BCAR3: variants seen among roughly 807,000 people sequenced by gnomAD.
BCAR3 encodes BCAR3 adaptor protein, NSP family member, also known as breast cancer anti-estrogen resistance protein 3.
BCAR3 carries 37 observed loss-of-function variants against 80.1 expected under a neutral mutation model. The observed-to-expected ratio is 0.46, with a 90% CI of 0.36 to 0.61. The LOEUF (loss-of-function observed/expected upper bound fraction) is 0.61, where lower values mean the gene tolerates loss of function less well. Ranked by LOEUF, BCAR3 falls within the 20% of genes least tolerant of loss-of-function variation. The probability of loss-of-function intolerance (pLI) is 0.00; values close to 1 mark genes in which losing one functional copy is unlikely to be tolerated. For missense variants in BCAR3, 978 were observed against 1,068.2 expected (o/e 0.92, Z 1.18); for synonymous variants, 389 against 418.9 (o/e 0.93, Z 0.87).
intron 3 of BCAR3, among the ~76,000 whole-genome samples, chr1:93,700,800 A>G (rs1649613814): frequency 6.6e-6 from 1 of 152,258 alleles, no homozygotes; most frequent in Non-Finnish European, 1.5e-5. Flanking sequence ...TTCCACAGGA[A>G]GAAACATTTC....
intron 3 of BCAR3, among the ~76,000 whole-genome samples, chr1:93,639,214 T>C (rs1399860637): frequency 3.3e-5 from 5 of 152,150 alleles, no homozygotes; most frequent in Non-Finnish European, 1.5e-5. Context: ...ATGAATGTAC[T>C]GCAACACAAA....
At chr1:93,567,707 G>A in intron 10 of BCAR3, 33 bp downstream of exon 10, 1 of 1,581,786 alleles carries the variant, frequency 6.3e-7, no homozygotes, top group Non-Finnish European at 8.7e-7. Flanking sequence ...CCCCAGCGGG[G>A]TAGCCCCATG....
chr1:93,790,628 G>GAATTCATTCTTTTTTTTTTTTTTTTT (rs1653112324), intron 2 of BCAR3, among the ~76,000 whole-genome samples: 2 of 79,220 alleles, frequency 2.5e-5, no homozygotes, highest in African/African-American at 1.4e-4. Flanking sequence ...TTTTTTTTTT[G>GAATTCATTCTTTTTTTTTTTTTTTTT]TATTCATTTT....
chr1:93,770,365 C>T (rs554643648), intron 2 of BCAR3, among the ~76,000 whole-genome samples: 1 of 152,074 alleles, frequency 6.6e-6, no homozygotes, highest in Non-Finnish European at 1.5e-5. Flanking sequence ...CTGCTCTGAT[C>T]CTGGCCTCAG....
intron 3 of BCAR3, among the ~76,000 whole-genome samples, chr1:93,692,353 G>A (rs1005101254): frequency 1.3e-5 from 2 of 152,220 alleles, no homozygotes; most frequent in Non-Finnish European, 2.9e-5. Flanking sequence ...GCTGTCGACA[G>A]TACTGAGGTT....
At chr1:93,840,268 G>C (rs924049493) in intron 2 of BCAR3, among the ~76,000 whole-genome samples, 2 of 152,118 alleles carry the variant, frequency 1.3e-5, no homozygotes, top group African/African-American at 4.8e-5. Flanking sequence ...TGAACTTGGG[G>C]ACAGGTGCCT....
At chr1:93,594,226 C>CA in intron 3 of BCAR3, 1 of 152,200 alleles carries the variant, frequency 6.6e-6, no homozygotes, top group East Asian at 1.9e-4. Context: ...ATTCAGTAAA[C>CA]AAATACCCTA....
chr1:93,599,325 C>T (rs1295202820), intron 3 of BCAR3: 3 of 152,166 alleles, frequency 2.0e-5, no homozygotes, highest in Admixed American at 2.0e-4. Context: ...GGAAAGTGAC[C>T]TCTAGCATGC....
chr1:93,844,024 A>G (rs1655055331), intron 2 of BCAR3, among the ~76,000 whole-genome samples: 1 of 152,192 alleles, frequency 6.6e-6, no homozygotes, highest in African/African-American at 2.4e-5. Flanking sequence ...AGTAACTTAA[A>G]AATAATCCTG....
At chr1:93,621,999 G>A (rs1285704348) in intron 3 of BCAR3, among the ~76,000 whole-genome samples, 1 of 152,220 alleles carries the variant, frequency 6.6e-6, no homozygotes, top group Admixed American at 6.5e-5. Context: ...AGCCTCCCGA[G>A]TAGCTGGGAC....
intron 2 of BCAR3, among the ~76,000 whole-genome samples, chr1:93,833,057 AG>A (rs1654631762): frequency 6.6e-6 from 1 of 152,178 alleles, no homozygotes; most frequent in African/African-American, 2.4e-5. Context: ...ATTTCAATGT[AG>A]GTTCTTTTCT....
intron 4 of BCAR3, among the ~76,000 whole-genome samples, chr1:93,589,783 G>C (rs1008898882): frequency 6.6e-6 from 1 of 152,200 alleles, no homozygotes; most frequent in Non-Finnish European, 1.5e-5. Context: ...AGTAAACCAG[G>C]AAAGGAGGCA....
intron 3 of BCAR3, among the ~76,000 whole-genome samples, chr1:93,689,763 G>C (rs1649107357): frequency 1.3e-5 from 2 of 152,174 alleles, no homozygotes; most frequent in South Asian, 4.1e-4. Context: ...GGGGTGGGTG[G>C]TGATGATGAG....
chr1:93,668,678 T>C (rs1475773495), intron 2 of BCAR3, among the ~76,000 whole-genome samples: 2 of 152,170 alleles, frequency 1.3e-5, no homozygotes, highest in Non-Finnish European at 2.9e-5. Context: ...TTCTATTAAA[T>C]AGAATCTATT....
chr1:93,814,618 G>A (rs1220021687), intron 2 of BCAR3, among the ~76,000 whole-genome samples: 4 of 152,228 alleles, frequency 2.6e-5, no homozygotes, highest in Non-Finnish European at 5.9e-5. Context: ...AAGGAGGCCT[G>A]GCCTTTAGTG....
chr1:93,731,541 A>G (rs1304842670), intron 2 of BCAR3, among the ~76,000 whole-genome samples: 2 of 152,062 alleles, frequency 1.3e-5, no homozygotes, highest in Non-Finnish European at 2.9e-5. Context: ...GCTGGAAAGG[A>G]AGAAGGTACA....
At chr1:93,580,901 C>G (rs908282317) in intron 7 of BCAR3, among the ~76,000 whole-genome samples, 13 of 152,202 alleles carry the variant, frequency 8.5e-5, no homozygotes, top group Non-Finnish European at 1.5e-4. Context: ...TGACTCACAC[C>G]TGTGATCCCA....
In BCAR3 at chr1:93,726,143, C is replaced by T. The variant is rs138366296; in HGVS notation, c.-62-20001G>A. ...GTGCAGTGGCAAACACAGCTCAATG[C>T]AGCCTTAACCTCCTAGGCTCCAGCG... On this transcript the variant is annotated intron_variant, in intron 2 of 13. Transcript: ENST00000370244. Among the ~76,000 whole-genome samples the T allele has an allele frequency of 3.5e-4, 54 of 152,232 alleles. No homozygotes were observed. The East Asian group carries it at 8.9e-3, about 25-fold the overall frequency.
At chr1:93,793,621 AT>A (rs1331543452) in intron 2 of BCAR3, among the ~76,000 whole-genome samples, 1 of 10,240 alleles carries the variant, frequency 9.8e-5, no homozygotes, top group African/African-American at 1.2e-3. Context: ...GGATTCATTG[AT>A]TTTTTGAAGG....
Sources: allele counts gnomAD v4.1 joint callset (sites outside exome capture counted in the v4.1 genomes callset), GRCh38; gene constraint gnomAD v4.1.1; transcripts MANE v1.5; gene names NCBI Gene and HGNC (gene_info 2026-07-23, HGNC 2026-07-21).